GFPT1: variants seen among roughly 807,000 people sequenced by gnomAD.
GFPT1 encodes glutamine--fructose-6-phosphate transaminase 1.
GFPT1 carries 40 observed loss-of-function variants against 92.0 expected under a neutral mutation model. That is an observed-to-expected ratio of 0.43 (90% CI 0.34 to 0.57). The LOEUF (loss-of-function observed/expected upper bound fraction) is 0.57. Ranked by LOEUF, GFPT1 falls within the 20% of genes least tolerant of loss-of-function variation. GFPT1 has a pLI of 0.02. For missense variants in GFPT1, 448 were observed against 869.1 expected (o/e 0.52, Z 6.09); for synonymous variants, 269 against 280.6 (o/e 0.96, Z 0.41).
At chr2:69,327,905 C>A (rs1251466025) in intron 18 of GFPT1, among the ~76,000 whole-genome samples, 2 of 151,816 alleles carry the variant, frequency 1.3e-5, no homozygotes, top group African/African-American at 4.8e-5. Flanking sequence ...GAGTTCGACA[C>A]CAGCCTGGCC....
At position 69,341,213 on chromosome 2, in the gene GFPT1, A is replaced by G. The variant is rs1349695523; in HGVS notation, c.1203+939T>C. Among the ~76,000 whole-genome samples the G allele has an allele frequency of 2.0e-5, 3 of 151,878 alleles. No homozygotes were observed. In the East Asian group the frequency reaches 5.8e-4, roughly 29 times the overall value. ...ACTGATCCTCCCACTTTGCCCTCCC[A>G]AAGTGCTGGGATTACAGGTGTGAGC... On this transcript the variant is annotated intron_variant, in intron 13 of 19. Coordinates refer to ENST00000357308, the MANE Select transcript of GFPT1 (RefSeq NM_001244710.2).
chr2:69,367,818 A>G (rs1357548410), intron 3 of GFPT1, among the ~76,000 whole-genome samples: 1 of 152,218 alleles, frequency 6.6e-6, no homozygotes, highest in Non-Finnish European at 1.5e-5. Flanking sequence ...GGTTATAGGC[A>G]TTTCCCATGT....
intron 1 of GFPT1, among the ~76,000 whole-genome samples, chr2:69,375,562 A>G (rs1671850423): frequency 6.6e-6 from 1 of 152,152 alleles, no homozygotes; most frequent in African/African-American, 2.4e-5. Context: ...ACCTGAAACA[A>G]CGGTTTCAAC....
chr2:69,328,518 A>G (rs1670584639), intron 17 of GFPT1, 80 bp from the exon 18 acceptor site: 5 of 1,009,340 alleles, frequency 5.0e-6, no homozygotes, highest in Non-Finnish European at 7.8e-6. Context: ...AAAGCATCTG[A>G]TATGTCAAGC....
rs1671343469 is a variant in GFPT1 at position 69,356,560 on chromosome 2, A to G, written c.544-3T>C. Reference sequence around the variant, plus strand: ...AACACAAGTGCAAAAGCACCTTCCTAGGGAGGGAAAAAAATCCATTAGCAC... The same window carrying G: ...AACACAAGTGCAAAAGCACCTTCCTGGGGAGGGAAAAAAATCCATTAGCAC... On this transcript the variant is annotated splice_region_variant and splice_polypyrimidine_tract_variant and intron_variant, in intron 6 of 19. Transcript: ENST00000357308. The G allele has an allele frequency of 5.6e-6, 9 of 1,610,292 alleles. No individual in the cohort carries two copies. Among genetic ancestry groups the G allele is most frequent in the Non-Finnish European group, 7.6e-6 (9 of 1,176,542 alleles).
At position 69,325,849 on chromosome 2, in the gene GFPT1, C is replaced by T; in HGVS notation, c.*340G>A. The T allele has an allele frequency of 4.3e-6, 1 of 235,144 alleles. No individual in the cohort carries two copies. Among genetic ancestry groups the T allele is most frequent in the South Asian group, 7.2e-5 (1 of 13,880 alleles). 14.6% of individuals were successfully genotyped at this position (235,144 alleles called of 1,614,324 possible). A position where few individuals can be genotyped will look rare whatever the true frequency, so the allele number is the denominator to read the frequency against. On this transcript the variant is annotated 3_prime_UTR_variant, in exon 20 of 20. Transcript: ENST00000357308. ...CTGGTCTGAATGAAGTATGGTGAAACAAGTACCAATTTTTAGAAACATATT... is the reference window on the plus strand; with the variant it reads ...CTGGTCTGAATGAAGTATGGTGAAATAAGTACCAATTTTTAGAAACATATT...
intron 15 of GFPT1, among the ~76,000 whole-genome samples, chr2:69,336,636 A>T (rs1574049097): frequency 1.9e-5 from 1 of 52,308 alleles, no homozygotes; most frequent in Admixed American, 2.0e-4. Context: ...ACCCCATCTT[A>T]AAAAAAAAAA....
intron 13 of GFPT1, among the ~76,000 whole-genome samples, chr2:69,341,147 G>A (rs578079124): frequency 5.9e-5 from 9 of 151,482 alleles, no homozygotes; most frequent in Admixed American, 3.3e-4. Context: ...TGGTAGAGAC[G>A]GGGTCTCGCT....
At chr2:69,341,625 C>T (rs1670954727) in intron 13 of GFPT1, among the ~76,000 whole-genome samples, 3 of 150,442 alleles carry the variant, frequency 2.0e-5, no homozygotes, top group Admixed American at 2.0e-4. Flanking sequence ...GACCCTCATA[C>T]ACCTATGCTT....
intron 4 of GFPT1, among the ~76,000 whole-genome samples, chr2:69,361,015 A>G (rs1407136505): frequency 6.6e-6 from 1 of 152,108 alleles, no homozygotes; most frequent in Non-Finnish European, 1.5e-5. Flanking sequence ...GATTACAGGC[A>G]TGAGTCACCA....
chr2:69,344,498 T>C (rs1296178265), intron 12 of GFPT1, among the ~76,000 whole-genome samples: 1 of 152,110 alleles, frequency 6.6e-6, no homozygotes, highest in Non-Finnish European at 1.5e-5. Flanking sequence ...GAACAATGAA[T>C]ACATGGGGAG....
intron 3 of GFPT1, among the ~76,000 whole-genome samples, chr2:69,367,082 T>C (rs1436472682): frequency 1.3e-5 from 2 of 152,186 alleles, no homozygotes; most frequent in Admixed American, 1.3e-4. Context: ...ATGTAAAAAA[T>C]GCAGTTGATA....
chr2:69,387,142 C>T lies in GFPT1; in HGVS notation c.-71G>A, dbSNP rs1428931646. The stretch of plus-strand genomic sequence containing the variant: ...GGATCGGGGGTGCACACACGAGCTT[C>T]GGTGGGCAATCTGCGGGCTCGGGGG... On this transcript the variant is annotated 5_prime_UTR_variant, in exon 1 of 20. Coordinates refer to ENST00000357308, the MANE Select transcript of GFPT1 (RefSeq NM_001244710.2). 34 of 1,479,030 alleles carry T rather than the reference C, an allele frequency of 2.3e-5. No individual in the cohort carries two copies. The highest frequency in any genetic ancestry group is 2.9e-5 in the African/African-American group (2 of 68,232). 91.6% of individuals were successfully genotyped at this position (1,479,030 alleles called of 1,614,324 possible).
intron 13 of GFPT1, among the ~76,000 whole-genome samples, chr2:69,338,891 C>T (rs561941759): frequency 6.6e-6 from 1 of 151,982 alleles, no homozygotes; most frequent in South Asian, 2.1e-4. Flanking sequence ...CCTCCGCCTC[C>T]CGGGTTCAAG....
chr2:69,374,915 A>G (rs559167736), intron 1 of GFPT1, among the ~76,000 whole-genome samples: 60 of 152,360 alleles, frequency 3.9e-4, no homozygotes, highest in African/African-American at 1.2e-3. Flanking sequence ...GACCAAATAT[A>G]TAACTATCTT....
intron 15 of GFPT1, among the ~76,000 whole-genome samples, chr2:69,331,529 A>G (rs1670663028): frequency 6.6e-6 from 1 of 152,244 alleles, no homozygotes; most frequent in South Asian, 2.1e-4. Flanking sequence ...TATATATGTT[A>G]CCATTTTTCT....
intron 1 of GFPT1, 119 bp from the exon 2 acceptor site, chr2:69,374,232 G>C (rs907194402): frequency 3.5e-6 from 2 of 566,950 alleles, no homozygotes; most frequent in African/African-American, 3.8e-5. Flanking sequence ...ATTTCAAACC[G>C]TTTAAAGGCA....
Position 69,326,964 on chromosome 2 carries a change from T to C in GFPT1, c.2005A>G (p.Ile669Val). Reference sequence around the variant, plus strand: ...TGGAAAGCCAGCAACTGTAAAGGGATCACGCTGAGAATGCCCTGCAAGCAG... The same window carrying C: ...TGGAAAGCCAGCAACTGTAAAGGGACCACGCTGAGAATGCCCTGCAAGCAG... ...VDCLQGILSV[I>V]PLQLLAFHLA... is the part of the protein sequence containing the mutation. The change falls in exon 19 of 20, where the codon ATC (isoleucine) becomes GTC (valine). Residue 669 changes from isoleucine (I) to valine (V), a missense_variant. Physicochemically the swap from Ile to Val is conservative, Grantham distance 29. Transcript: ENST00000357308. 6.2e-7 allele frequency: 1 copy of C among 1,614,202 alleles called. No homozygotes were observed.
chr2:69,347,606 T>C (rs535968982), intron 11 of GFPT1, among the ~76,000 whole-genome samples: 1 of 151,722 alleles, frequency 6.6e-6, no homozygotes, highest in Non-Finnish European at 1.5e-5. Context: ...GCCTCCCGAG[T>C]AGCTGGGATT....
Sources: allele counts gnomAD v4.1 joint callset (sites outside exome capture counted in the v4.1 genomes callset), GRCh38; gene constraint gnomAD v4.1.1; transcripts MANE v1.5; gene names NCBI Gene and HGNC (gene_info 2026-07-23, HGNC 2026-07-21).